LPP: variants seen among roughly 807,000 people sequenced by gnomAD.
The protein encoded by LPP is LIM domain containing preferred translocation partner in lipoma.
A neutral mutation model predicts 60.4 loss-of-function variants in LPP; 38 were observed. The observed-to-expected ratio is 0.63, with a 90% CI of 0.49 to 0.83. LPP has a LOEUF of 0.83. LPP is among the 40% of genes least tolerant of loss of function. The pLI is 0.00. For missense variants in LPP, 902 were observed against 783.6 expected, an observed-to-expected ratio of 1.15 and a Z score of -1.80; for synonymous variants, 328 against 290.8, an observed-to-expected ratio of 1.13 and a Z score of -1.30.
At chr3:188,355,080 C>G (rs943515923) in intron 3 of LPP, among the ~76,000 whole-genome samples, 1 of 152,144 alleles carries the variant, frequency 6.6e-6, no homozygotes, top group African/African-American at 2.4e-5. Flanking sequence ...GTGATCTCAG[C>G]TCACTGCAAT....
chr3:188,558,200 G>A (rs182143412), intron 6 of LPP, among the ~76,000 whole-genome samples: 4 of 152,146 alleles, frequency 2.6e-5, no homozygotes, highest in East Asian at 3.9e-4. Context: ...ACACCAGAAC[G>A]AAAACGCATG....
At chr3:188,872,131 T>C (rs926519040) in intron 10 of LPP, among the ~76,000 whole-genome samples, 7 of 152,204 alleles carry the variant, frequency 4.6e-5, no homozygotes, top group African/African-American at 1.7e-4. Context: ...TGAAAAGCTA[T>C]GTATTTGAGT....
rs532966226 is a variant in LPP at position 188,610,530 on chromosome 3, C to T, written c.1113+686C>T. Reference sequence around the variant, plus strand: ...CCCTTGTTTATTCATTTTACTAATCCTCCAGAAAGAATCTTATTCTTCAGC... The same window carrying T: ...CCCTTGTTTATTCATTTTACTAATCTTCCAGAAAGAATCTTATTCTTCAGC... On this transcript the variant is annotated intron_variant, in intron 7 of 11. Transcript: ENST00000617246. This position sits in a 1 kb window ranked among gnomAD's most constrained non-coding sequence, Gnocchi z 4.4. 2.3e-4 allele frequency among the ~76,000 whole-genome samples: 35 copies of T among 152,322 alleles called. No individual in the cohort carries two copies. The highest frequency in any genetic ancestry group is 8.2e-4 in the African/African-American group (34 of 41,576).
At chr3:188,370,500 T>C (rs1772723315) in intron 3 of LPP, among the ~76,000 whole-genome samples, 2 of 152,334 alleles carry the variant, frequency 1.3e-5, no homozygotes, top group South Asian at 2.1e-4. Context: ...GTTGTTGTTA[T>C]CATTTAACTC....
chr3:188,884,008 T>C lies in LPP; in HGVS notation c.*9529T>C. ...GGGGAAGACCATGATTGTGGCTTCTTCTACCCCAACTTTGAATGAGAGAGC... is the reference window on the plus strand; with the variant it reads ...GGGGAAGACCATGATTGTGGCTTCTCCTACCCCAACTTTGAATGAGAGAGC... On this transcript the variant is annotated 3_prime_UTR_variant, in exon 12 of 12. Transcript: ENST00000617246. 1 of 220,646 alleles carries C rather than the reference T, an allele frequency of 4.5e-6. No individual in the cohort carries two copies. The highest frequency in any genetic ancestry group is 5.8e-5 in the Admixed American group (1 of 17,354). 13.7% of individuals were successfully genotyped at this position (220,646 alleles called of 1,614,324 possible). A position where few individuals can be genotyped will look rare whatever the true frequency, so the allele number is the denominator to read the frequency against.
At chr3:188,364,343 T>A (rs1456103735) in intron 3 of LPP, among the ~76,000 whole-genome samples, 1 of 152,238 alleles carries the variant, frequency 6.6e-6, no homozygotes, top group African/African-American at 2.4e-5. Flanking sequence ...AATAGAGCCT[T>A]TCTTATTTGA....
intron 9 of LPP, among the ~76,000 whole-genome samples, chr3:188,771,078 C>T (rs1735792599): frequency 6.6e-6 from 1 of 152,026 alleles, no homozygotes; most frequent in Non-Finnish European, 1.5e-5. Context: ...TTAGAATTCA[C>T]TATTATACTG....
intron 4 of LPP, among the ~76,000 whole-genome samples, chr3:188,412,418 T>C (rs1265533478): frequency 6.6e-6 from 1 of 152,210 alleles, no homozygotes. Context: ...ATAGTTTATT[T>C]AGCAGTTGCA....
intron 7 of LPP, among the ~76,000 whole-genome samples, chr3:188,650,308 G>C (rs1204210800): frequency 6.6e-6 from 1 of 152,186 alleles, no homozygotes; most frequent in African/African-American, 2.4e-5. Flanking sequence ...AACTCAGGCA[G>C]TCCATGCTGA....
At chr3:188,801,701 C>G (rs1307356523) in intron 9 of LPP, among the ~76,000 whole-genome samples, 1 of 152,174 alleles carries the variant, frequency 6.6e-6, no homozygotes, top group Non-Finnish European at 1.5e-5. Flanking sequence ...CCCACTTTGC[C>G]ATTCTTTGCT....
intron 6 of LPP, among the ~76,000 whole-genome samples, chr3:188,539,888 A>G (rs147561909): frequency 6.6e-5 from 10 of 152,284 alleles, no homozygotes; most frequent in African/African-American, 2.2e-4. Context: ...CAGAACTCCA[A>G]GAACTCTCAT....
At chr3:188,848,114 T>C (rs1761906339) in intron 9 of LPP, among the ~76,000 whole-genome samples, 2 of 152,268 alleles carry the variant, frequency 1.3e-5, no homozygotes, top group African/African-American at 4.8e-5. Flanking sequence ...CAAACTGTTA[T>C]TCTCAATTTT....
chr3:188,611,648 G>A (rs943865351), intron 7 of LPP, among the ~76,000 whole-genome samples: 2 of 152,234 alleles, frequency 1.3e-5, no homozygotes, highest in African/African-American at 4.8e-5. Flanking sequence ...GCTGAGTGAT[G>A]TTCCTGAAGG....
chr3:188,760,357 AAT>A, intron 9 of LPP, 75 bp downstream of exon 9: 1 of 1,482,024 alleles, frequency 6.7e-7, no homozygotes, highest in Non-Finnish European at 9.4e-7. Context: ...CTCTAGATAG[AAT>A]ATAGCCATCA....
At chr3:188,218,730 G>A (rs1050640366) in intron 1 of LPP, among the ~76,000 whole-genome samples, 10 of 152,186 alleles carry the variant, frequency 6.6e-5, no homozygotes, top group Admixed American at 3.3e-4. Context: ...ATTTGGAGGC[G>A]TATGGAAGGG....
intron 4 of LPP, among the ~76,000 whole-genome samples, chr3:188,446,674 T>C (rs1468808481): frequency 1.3e-5 from 2 of 152,218 alleles, no homozygotes; most frequent in East Asian, 1.9e-4. Flanking sequence ...ATTGCTTTCA[T>C]TGTTGTTCTC....
At chr3:188,430,123 T>C (rs1790520787) in intron 4 of LPP, among the ~76,000 whole-genome samples, 1 of 152,128 alleles carries the variant, frequency 6.6e-6, no homozygotes, top group South Asian at 2.1e-4. Flanking sequence ...TATAGCTTAA[T>C]AAATAAGTTA....
At chr3:188,351,978 A>G (rs180762814) in intron 3 of LPP, among the ~76,000 whole-genome samples, 1 of 152,158 alleles carries the variant, frequency 6.6e-6, no homozygotes. Flanking sequence ...ATTGGCTTTT[A>G]CTTGCACTTA....
chr3:188,716,881 G>T (rs1714229576), intron 8 of LPP, among the ~76,000 whole-genome samples: 1 of 152,180 alleles, frequency 6.6e-6, no homozygotes, highest in Non-Finnish European at 1.5e-5. Flanking sequence ...AACTTGTTTG[G>T]AAGTTAGCGT....
Sources: allele counts gnomAD v4.1 joint callset (sites outside exome capture counted in the v4.1 genomes callset), GRCh38; gene constraint gnomAD v4.1.1; non-coding constraint Gnocchi (gnomAD v3.1); transcripts MANE v1.5; gene names NCBI Gene and HGNC (gene_info 2026-07-23, HGNC 2026-07-21).